Variants in ZC3H12C observed in about 807,000 individuals in gnomAD.
ZC3H12C encodes the protein zinc finger CCCH-type containing 12C.
Under a neutral mutation model 76.3 loss-of-function variants are expected in ZC3H12C, and 20 were observed. The ratio of observed to expected loss-of-function variants is 0.26; its 90% CI spans 0.18 to 0.38. The LOEUF is 0.38. Among genes scored for constraint, ZC3H12C ranks in the 10% least tolerant of loss-of-function variants. The pLI, the probability that ZC3H12C is intolerant of heterozygous loss-of-function variation, is 1.00. For synonymous variants in ZC3H12C, 352 were observed against 399.6 expected (o/e 0.88, Z 1.42); for missense variants, 874 against 1,086.5 (o/e 0.80, Z 2.75).
chr11:110,105,516 C>T (rs540275016), intron 1 of ZC3H12C, among the ~76,000 whole-genome samples: 9 of 152,080 alleles, frequency 5.9e-5, no homozygotes, highest in Admixed American at 3.9e-4. Flanking sequence ...ACTATTTCAG[C>T]TTATCTTTTA....
intron 1 of ZC3H12C, among the ~76,000 whole-genome samples, chr11:110,133,817 T>C (rs536032926): frequency 1.3e-5 from 2 of 152,332 alleles, no homozygotes; most frequent in South Asian, 2.1e-4. Context: ...ATAGAAGATA[T>C]AGAAAGATTT....
chr11:110,096,892 C>T (rs559209128), intron 1 of ZC3H12C, among the ~76,000 whole-genome samples: 1 of 152,178 alleles, frequency 6.6e-6, no homozygotes, highest in Non-Finnish European at 1.5e-5. Context: ...ACTCCAGTTT[C>T]AGTCCAGCAT....
chr11:110,143,524 T>C (rs978928322), intron 2 of ZC3H12C, among the ~76,000 whole-genome samples: 6 of 150,694 alleles, frequency 4.0e-5, no homozygotes, highest in Non-Finnish European at 5.9e-5. Context: ...TAAATATTTA[T>C]TAATATTATA....
chr11:110,125,270 A>AGTCT (rs1861719370), intron 1 of ZC3H12C, among the ~76,000 whole-genome samples: 1 of 138,684 alleles, frequency 7.2e-6, no homozygotes. Flanking sequence ...ATCTCTCACT[A>AGTCT]GTGTGTGTGT....
chr11:110,111,539 G>C lies in ZC3H12C; in HGVS notation c.21+18107G>C, dbSNP rs531925990. On this transcript the variant is annotated intron_variant, in intron 1 of 5. Coordinates refer to ENST00000278590, the MANE Select transcript of ZC3H12C (RefSeq NM_033390.2). ...TTGCCCGATCTTTGCTTCCCCAGTA[G>C]CTTTTTTTTTTTTCTGAGACAAGTC... Among the ~76,000 whole-genome samples the C allele has an allele frequency of 3.5e-4, 31 of 89,806 alleles. No homozygotes were observed. The South Asian group carries it at 8.5e-3, about 24-fold the overall frequency. The allele number at this position is 89,806 out of a possible 152,430, so 58.9% of individuals were successfully genotyped here.
chr11:110,158,570 T>C (rs1018198552), intron 3 of ZC3H12C, among the ~76,000 whole-genome samples: 1 of 151,822 alleles, frequency 6.6e-6, no homozygotes, highest in Non-Finnish European at 1.5e-5. Context: ...CCTTTTCTAA[T>C]CAGCAGATGT....
chr11:110,152,077 A>G (rs982768379), intron 2 of ZC3H12C, among the ~76,000 whole-genome samples: 1 of 152,206 alleles, frequency 6.6e-6, no homozygotes, highest in African/African-American at 2.4e-5. Context: ...ATAAAAGAAC[A>G]TAATTATTGC....
chr11:110,096,615 C>G (rs1399554072), intron 1 of ZC3H12C, among the ~76,000 whole-genome samples: 1 of 152,210 alleles, frequency 6.6e-6, no homozygotes, highest in Non-Finnish European at 1.5e-5. Flanking sequence ...AACCCATGAT[C>G]TTAACCACTG....
intron 1 of ZC3H12C, among the ~76,000 whole-genome samples, chr11:110,128,836 G>T (rs1861804555): frequency 6.9e-6 from 1 of 145,664 alleles, no homozygotes; most frequent in African/African-American, 2.5e-5. Flanking sequence ...TCTTTTCAGG[G>T]CTGATATCTT....
chr11:110,118,459 C>T lies in ZC3H12C; in HGVS notation c.22-18204C>T, dbSNP rs187857949. ...TAATGGGGGAAGAAACACCTCCATT[C>T]GCACCAGCAAGAAGAAAAAGCAAAA... is the stretch of plus-strand genomic sequence containing the variant. On this transcript the variant is annotated intron_variant, in intron 1 of 5. Transcript: ENST00000278590. 8.6e-4 allele frequency among the ~76,000 whole-genome samples: 131 copies of T among 152,042 alleles called. 1 individual carries two copies. The highest frequency in any genetic ancestry group is 2.2e-3 in the Admixed American group (33 of 15,264).
At chr11:110,094,954 C>T (rs1861086883) in intron 1 of ZC3H12C, among the ~76,000 whole-genome samples, 1 of 152,132 alleles carries the variant, frequency 6.6e-6, no homozygotes, top group African/African-American at 2.4e-5. Context: ...CATAAAAGTA[C>T]TTAAACATTA....
intron 1 of ZC3H12C, among the ~76,000 whole-genome samples, chr11:110,106,868 A>G (rs1861338611): frequency 6.6e-6 from 1 of 152,190 alleles, no homozygotes; most frequent in Non-Finnish European, 1.5e-5. Context: ...ACCCAATACT[A>G]TCAGGGTTTT....
intron 1 of ZC3H12C, among the ~76,000 whole-genome samples, chr11:110,132,178 G>A (rs1861878954): frequency 6.6e-6 from 1 of 152,024 alleles, no homozygotes; most frequent in African/African-American, 2.4e-5. Context: ...GGCTTAACAA[G>A]TTTATGGTCT....
At position 110,167,094 on chromosome 11, in the gene ZC3H12C, G is replaced by C. The variant is rs558894295; in HGVS notation, c.*1357G>C. The C allele has an allele frequency of 2.0e-5, 3 of 152,136 alleles. No individual in the cohort carries two copies. The highest frequency in any genetic ancestry group is 4.4e-5 in the Non-Finnish European group (3 of 68,022). The allele number at this position is 152,136 out of a possible 1,614,324, so 9.4% of individuals were successfully genotyped here. A position where few individuals can be genotyped will look rare whatever the true frequency, so the allele number is the denominator to read the frequency against. ...ATTTTGCAGTCAGTGGCAGACAGTT[G>C]TGTGATTGACATCACTTGACTGTTG... On this transcript the variant is annotated 3_prime_UTR_variant, in exon 6 of 6. Coordinates refer to ENST00000278590, the MANE Select transcript of ZC3H12C (RefSeq NM_033390.2).
At chr11:110,135,169 G>A (rs983938974) in intron 1 of ZC3H12C, among the ~76,000 whole-genome samples, 4 of 152,050 alleles carry the variant, frequency 2.6e-5, no homozygotes, top group Non-Finnish European at 5.9e-5. Context: ...TGCTGTATCT[G>A]CGTAGAATAC....
rs1201070068 is a variant in ZC3H12C at position 110,131,773 on chromosome 11, CA to C, written c.22-4889del. ...GGAAGAAACAAAGACGTGCATCTAT[CA>C]GTTGGGAGGGAAAGAAAGAGCATAA... On this transcript the variant is annotated intron_variant, in intron 1 of 5. Coordinates refer to ENST00000278590, the MANE Select transcript of ZC3H12C (RefSeq NM_033390.2). The C allele has an allele frequency of 3.9e-5, 6 of 152,316 alleles. No individual in the cohort carries two copies. The South Asian group carries it at 1.0e-3, about 26-fold the overall frequency. 9.4% of individuals were successfully genotyped at this position (152,316 alleles called of 1,614,324 possible). A position where few individuals can be genotyped will look rare whatever the true frequency, so the allele number is the denominator to read the frequency against.
At chr11:110,134,647 A>C (rs1861923145) in intron 1 of ZC3H12C, among the ~76,000 whole-genome samples, 1 of 152,196 alleles carries the variant, frequency 6.6e-6, no homozygotes, top group Admixed American at 6.5e-5. Context: ...ATTGAAGTGG[A>C]TACAACTTCA....
chr11:110,156,541 G>A (rs571791024), intron 3 of ZC3H12C, among the ~76,000 whole-genome samples: 111 of 152,294 alleles, frequency 7.3e-4, no homozygotes, highest in African/African-American at 2.5e-3. Flanking sequence ...TGAGGCCACC[G>A]AACTTAATCT....
intron 3 of ZC3H12C, among the ~76,000 whole-genome samples, chr11:110,154,845 A>AAAAAAC (rs1862345883): frequency 6.6e-6 from 1 of 150,982 alleles, no homozygotes; most frequent in Non-Finnish European, 1.5e-5. Context: ...AAAAAAAAAA[A>AAAAAAC]AAAAAAACTT....
Sources: allele counts gnomAD v4.1 joint callset (sites outside exome capture counted in the v4.1 genomes callset), GRCh38; gene constraint gnomAD v4.1.1; transcripts MANE v1.5; gene names NCBI Gene and HGNC (gene_info 2026-07-23, HGNC 2026-07-21).